Variants in ARHGAP6 observed in about 807,000 individuals in gnomAD.
ARHGAP6 encodes rho GTPase-activating protein 6.
A neutral mutation model predicts 55.7 loss-of-function variants in ARHGAP6; 16 were observed. That is an observed-to-expected ratio of 0.29 (90% CI 0.19 to 0.44). The LOEUF is 0.44. Among genes scored for constraint, ARHGAP6 ranks in the 20% least tolerant of loss-of-function variants. The pLI is 1.00. For missense variants in ARHGAP6, 698 were observed against 808.9 expected, an observed-to-expected ratio of 0.86 and a Z score of 1.66; for synonymous variants, 382 against 360.9, an observed-to-expected ratio of 1.06 and a Z score of -0.66.
chrX:11,659,217 T>C (rs773477534), intron 1 of ARHGAP6, among the ~76,000 whole-genome samples: 1 of 111,844 alleles, frequency 8.9e-6, no homozygotes, highest in Non-Finnish European at 1.9e-5. Flanking sequence ...CTTGGCATGA[T>C]TTCCCCATGC....
intron 1 of ARHGAP6, among the ~76,000 whole-genome samples, chrX:11,323,866 C>CAAA (rs61462099): frequency 5.0e-5 from 2 of 40,285 alleles, no homozygotes; most frequent in African/African-American, 1.1e-4. Context: ...ACCCCCATTT[C>CAAA]AAAAAAAAAA....
chrX:11,373,497 CT>C (rs1263631516), intron 1 of ARHGAP6, among the ~76,000 whole-genome samples: 1 of 111,432 alleles, frequency 9.0e-6, no homozygotes, highest in Admixed American at 9.5e-5. Flanking sequence ...TAAATCATTG[CT>C]TTTGTGGATT....
intron 1 of ARHGAP6, among the ~76,000 whole-genome samples, chrX:11,276,161 G>C (rs1477010936): frequency 9.0e-6 from 1 of 111,222 alleles, no homozygotes; most frequent in Non-Finnish European, 1.9e-5. Context: ...TATTTTTCCA[G>C]AAAACTCTAA....
chrX:11,439,934 C>G (rs2050023922), intron 1 of ARHGAP6, among the ~76,000 whole-genome samples: 1 of 112,813 alleles, frequency 8.9e-6, no homozygotes, highest in African/African-American at 3.2e-5. Context: ...GTATTTCCCT[C>G]TCACTAATTA....
chrX:11,492,667 G>T (rs946656003), intron 1 of ARHGAP6, among the ~76,000 whole-genome samples: 1 of 111,758 alleles, frequency 8.9e-6, no homozygotes, highest in Non-Finnish European at 1.9e-5. Context: ...CAATGTTGAA[G>T]GTAATGAAAT....
intron 1 of ARHGAP6, among the ~76,000 whole-genome samples, chrX:11,519,401 T>A (rs1368991636): frequency 2.7e-5 from 3 of 109,482 alleles, no homozygotes; most frequent in Non-Finnish European, 3.8e-5. Context: ...GTGAGCATTT[T>A]TTCATGTGTT....
At chrX:11,645,362 G>A (rs5979448) in intron 1 of ARHGAP6, among the ~76,000 whole-genome samples, 36,310 of 109,599 alleles carry the variant, frequency 0.33, 4,563 homozygotes, top group African/African-American at 0.44. Context: ...ACTACTCAAT[G>A]CTCCAAACAT....
intron 1 of ARHGAP6, among the ~76,000 whole-genome samples, chrX:11,263,218 C>T (rs193102260): frequency 1.0e-3 from 111 of 110,133 alleles, no homozygotes; most frequent in African/African-American, 1.4e-3. Flanking sequence ...TTTAAAAGGG[C>T]ATGGCACTTC....
Position 11,664,714 on chromosome X carries a change from C to T in ARHGAP6, c.115G>A (p.Asp39Asn). Residue 39 changes from aspartate (D) to asparagine (N), a missense_variant, in exon 1 of 13, where the codon GAC becomes AAC. Physicochemically the swap from Asp to Asn is conservative, Grantham distance 23. Around this residue, in one of 3 missense-constraint regions of ARHGAP6, gnomAD observed 164 missense variants for 149.2 expected, o/e 1.10. Coordinates refer to ENST00000337414, the MANE Select transcript of ARHGAP6 (RefSeq NM_013427.3). Reference sequence around the variant, plus strand: ...CCGCAGCCGCCGATCAGGGCCGGGTCCAGGCTGCGGGTCTGGCGCAGCTTC... The same window carrying T: ...CCGCAGCCGCCGATCAGGGCCGGGTTCAGGCTGCGGGTCTGGCGCAGCTTC... ...KRKLRQTRSL[D>N]PALIGGCGSD... 8.4e-7 allele frequency: 1 copy of T among 1,188,736 alleles called. No individual in the cohort carries two copies. The highest frequency in any genetic ancestry group is 1.1e-6 in the Non-Finnish European group (1 of 885,826).
chrX:11,418,996 G>A (rs1353517860), intron 1 of ARHGAP6, among the ~76,000 whole-genome samples: 1 of 112,497 alleles, frequency 8.9e-6, no homozygotes, highest in Non-Finnish European at 1.9e-5. Flanking sequence ...TCTCTGTGCT[G>A]GTCTCACTGG....
intron 1 of ARHGAP6, among the ~76,000 whole-genome samples, chrX:11,473,665 CTT>C (rs2050373207): frequency 9.0e-6 from 1 of 111,710 alleles, no homozygotes; most frequent in Non-Finnish European, 1.9e-5. Context: ...ACTGCTGACA[CTT>C]TGATTTTGGA....
At chrX:11,377,517 C>T (rs1228683532) in intron 1 of ARHGAP6, among the ~76,000 whole-genome samples, 4 of 111,738 alleles carry the variant, frequency 3.6e-5, no homozygotes, top group Non-Finnish European at 7.5e-5. Context: ...TACTAAAAGC[C>T]GTTGAGTTGT....
chrX:11,651,300 C>T (rs2052582065), intron 1 of ARHGAP6, among the ~76,000 whole-genome samples: 1 of 111,253 alleles, frequency 9.0e-6, no homozygotes, highest in Admixed American at 9.6e-5. Flanking sequence ...ACTGCTCACC[C>T]TCAGGTAGGC....
chrX:11,254,716 CAAAAAAAAAA>C lies in ARHGAP6; in HGVS notation c.589-19_589-10del. 3 of 867,100 alleles carry C rather than the reference CAAAAAAAAAA, an allele frequency of 3.5e-6. No individual in the cohort carries two copies. The highest frequency in any genetic ancestry group is 5.0e-5 in the South Asian group (1 of 20,163). The allele number at this position is 867,100 out of a possible 1,213,427, so 71.5% of individuals were successfully genotyped here. On this transcript the variant is annotated splice_polypyrimidine_tract_variant and intron_variant, in intron 1 of 12. Coordinates refer to ENST00000337414, the MANE Select transcript of ARHGAP6 (RefSeq NM_013427.3). Reference sequence around the variant, plus strand: ...TTCCAGGTGAAATCACCCTGTAGGCCAAAAAAAAAAAAAAAAAAAAAATCAAGAGTTACAG... The same window carrying C: ...TTCCAGGTGAAATCACCCTGTAGGCCAAAAAAAAAAAATCAAGAGTTACAG...
At chrX:11,589,232 G>C (rs2051774610) in intron 1 of ARHGAP6, among the ~76,000 whole-genome samples, 1 of 106,951 alleles carries the variant, frequency 9.4e-6, no homozygotes, top group Non-Finnish European at 1.9e-5. Context: ...AGTGGAGACG[G>C]GGTTTCACCA....
At chrX:11,452,659 TCAA>T (rs2050154652) in intron 1 of ARHGAP6, among the ~76,000 whole-genome samples, 1 of 111,903 alleles carries the variant, frequency 8.9e-6, no homozygotes, top group Non-Finnish European at 1.9e-5. Flanking sequence ...TGCATGCTTC[TCAA>T]CAAGCAAATA....
intron 1 of ARHGAP6, among the ~76,000 whole-genome samples, chrX:11,586,532 T>C (rs1054288896): frequency 8.9e-6 from 1 of 111,974 alleles, no homozygotes; most frequent in East Asian, 2.8e-4. Context: ...TTGGTCTGTG[T>C]GTCTGTTTTT....
At chrX:11,284,455 T>A (rs775372771) in intron 1 of ARHGAP6, among the ~76,000 whole-genome samples, 3 of 111,932 alleles carry the variant, frequency 2.7e-5, no homozygotes, top group Non-Finnish European at 3.8e-5. Flanking sequence ...TTATAGCAGG[T>A]GAGTGATCTG....
chrX:11,304,777 C>CTTTTTTTTTTT lies in ARHGAP6; in HGVS notation c.589-50081_589-50071dup, dbSNP rs953912280. On this transcript the variant is annotated intron_variant, in intron 1 of 12. Coordinates refer to ENST00000337414, the MANE Select transcript of ARHGAP6 (RefSeq NM_013427.3). Reference sequence around the variant, plus strand: ...AAGGATTTCATTTTTCTTTCTTTTACTTTTTTTTTTTTTTTTTTTTTTTTT... The same window carrying CTTTTTTTTTTT: ...AAGGATTTCATTTTTCTTTCTTTTACTTTTTTTTTTTTTTTTTTTTTTTTTTTTTTTTTTTT... 4.0e-4 allele frequency among the ~76,000 whole-genome samples: 20 copies of CTTTTTTTTTTT among 50,286 alleles called. 4 individuals are homozygous for CTTTTTTTTTTT. The highest frequency in any genetic ancestry group is 8.6e-4 in the African/African-American group (10 of 11,575). 43.7% of individuals were successfully genotyped at this position (50,286 alleles called of 115,157 possible). A position where few individuals can be genotyped will look rare whatever the true frequency, so the allele number is the denominator to read the frequency against.
Sources: gnomAD v4.1 joint callset for allele counts (sites outside exome capture counted in the v4.1 genomes callset) on GRCh38, gnomAD v4.1.1 for gene constraint, gnomAD v4.1.1 regional missense constraint, MANE v1.5 for transcripts, NCBI Gene and HGNC (gene_info 2026-07-23, HGNC 2026-07-21) for gene names.